Variants in VWA3A observed in about 807,000 individuals in gnomAD.
VWA3A encodes the protein von Willebrand factor A domain-containing protein 3A.
VWA3A carries 134 observed loss-of-function variants against 160.4 expected under a neutral mutation model. The ratio of observed to expected loss-of-function variants is 0.84; its 90% confidence interval spans 0.73 to 0.96. The LOEUF is 0.96. Ranked by LOEUF, VWA3A falls within the 40% of genes least tolerant of loss-of-function variation. The pLI is 0.00. For missense variants in VWA3A, 1,310 were observed against 1,447.9 expected (o/e 0.90, Z 1.55); for synonymous variants, 476 against 543.4 (o/e 0.88, Z 1.72).
intron 26 of VWA3A, 95 bp downstream of exon 26, chr16:22,144,479 C>A: frequency 6.7e-7 from 1 of 1,483,762 alleles, no homozygotes. Context: ...TCTATTTCTG[C>A]TTGTAGGAAC....
At chr16:22,141,449 C>A in intron 23 of VWA3A, 133 bp from the exon 24 acceptor site, 1 of 771,804 alleles carries the variant, frequency 1.3e-6, no homozygotes, top group Admixed American at 2.2e-5. Context: ...ACACAGGGTG[C>A]CTTGAAGCCA....
chr16:22,118,490 C>G (rs1364610404), intron 11 of VWA3A, among the ~76,000 whole-genome samples: 1 of 152,004 alleles, frequency 6.6e-6, no homozygotes, highest in Non-Finnish European at 1.5e-5. Context: ...TTGAGACCAT[C>G]CTGGCTAACA....
At chr16:22,099,111 A>C (rs982590191) in intron 3 of VWA3A, among the ~76,000 whole-genome samples, 1 of 151,778 alleles carries the variant, frequency 6.6e-6, no homozygotes, top group Non-Finnish European at 1.5e-5. Context: ...AAAAAAAAAA[A>C]AGTACCATGC....
At chr16:22,140,950 A>C (rs1284453647) in intron 23 of VWA3A, among the ~76,000 whole-genome samples, 2 of 152,198 alleles carry the variant, frequency 1.3e-5, no homozygotes. Context: ...CAATAATGAT[A>C]GTAACTAAAA....
chr16:22,109,387 G>T, intron 6 of VWA3A, 95 bp from the exon 7 acceptor site: 1 of 1,027,734 alleles, frequency 9.7e-7, no homozygotes, highest in Non-Finnish European at 1.5e-6. Context: ...TAGGGGTGAG[G>T]AAAGTGTTTG....
rs1485475467 is a variant in VWA3A, at chr16:22,093,439, G to A, written c.14+788G>A. ...TACTCACAGAAGACCTCTCTAATAA[G>A]ATTTCATTTGAGCAAAGGCCTGAGG... On this transcript the variant is annotated intron_variant, in intron 1 of 33. Coordinates refer to ENST00000389398, the MANE Select transcript of VWA3A (RefSeq NM_173615.5). Among the ~76,000 whole-genome samples, 4 of 152,132 alleles carry A rather than the reference G, an allele frequency of 2.6e-5. No individual in the cohort carries two copies. In the East Asian group the frequency reaches 7.7e-4, roughly 29 times the overall value.
At chr16:22,105,922 C>T (rs1271804220) in intron 6 of VWA3A, among the ~76,000 whole-genome samples, 1 of 152,196 alleles carries the variant, frequency 6.6e-6, no homozygotes, top group Non-Finnish European at 1.5e-5. Context: ...ATATCAGGCA[C>T]TGTTCTAGGA....
chr16:22,116,800 A>G lies in VWA3A; in HGVS notation c.857A>G (p.Gln286Arg). ...PSEILSDYIQ[Q>R]STMGRDLIIH... is the part of the protein sequence containing the mutation. ...GAAATCCTGTCTGACTACATCCAGC[A>G]GTCCACCATGGGAAGAGACCTCATC... Residue 286 changes from glutamine (Q) to arginine (R), a missense_variant, in exon 10 of 34, where the codon CAG (glutamine) becomes CGG (arginine). By Grantham distance (43) the Gln-to-Arg change is conservative. Coordinates refer to ENST00000389398, the MANE Select transcript of VWA3A (RefSeq NM_173615.5). The G allele has an allele frequency of 6.2e-7, 1 of 1,613,616 alleles. No individual in the cohort carries two copies. Among genetic ancestry groups the G allele is most frequent in the Non-Finnish European group, 8.5e-7 (1 of 1,179,884 alleles).
Position 22,131,684 on chromosome 16 carries a change from G to T in VWA3A, c.1827G>T (p.Ser609=), listed in dbSNP as rs780664133. The change falls in exon 19 of 34, where the codon TCG becomes TCT. Residue 609 remains serine (S), a synonymous_variant. Transcript: ENST00000389398. ...TCAAGGACAAAGACAAACACCAATCGCAGGGAATCTACCTCTTCACTGGGG... is the reference window on the plus strand; with the variant it reads ...TCAAGGACAAAGACAAACACCAATCTCAGGGAATCTACCTCTTCACTGGGG... ...VDFKDKDKHQ[S]QGIYLFTGGI... 5.6e-6 allele frequency: 9 copies of T among 1,613,994 alleles called. No homozygotes were observed. Among genetic ancestry groups the T allele is most frequent in the South Asian group, 4.4e-5 (4 of 91,072 alleles).
rs147409841 is a variant in VWA3A at position 22,122,492 on chromosome 16, G to A, written c.1357-593G>A. The stretch of plus-strand genomic sequence containing the variant: ...GAAAGGATGGAGAAATGGAAGGAAG[G>A]AATAATAGGTGAATAGAAAGATGGC... On this transcript the variant is annotated intron_variant, in intron 14 of 33. Transcript: ENST00000389398. Among the ~76,000 whole-genome samples the A allele has an allele frequency of 2.4e-3, 359 of 152,174 alleles. 3 individuals carry two copies. The Middle Eastern group carries it at 0.037, about 16-fold the overall frequency.
At chr16:22,136,369 G>A (rs1472140240) in intron 21 of VWA3A, among the ~76,000 whole-genome samples, 1 of 152,152 alleles carries the variant, frequency 6.6e-6, no homozygotes, top group Non-Finnish European at 1.5e-5. Flanking sequence ...GAGAGGTGCA[G>A]GGAAGGCGGG....
In VWA3A at chr16:22,104,164, G is replaced by T. The variant is rs1187589645; in HGVS notation, c.483+635G>T. ...CCGCAATGAGATTTAGAAGACTAAG[G>T]CTGATCATCTGGATATCACTTTTCT... On this transcript the variant is annotated intron_variant, in intron 6 of 33. Transcript: ENST00000389398. Among the ~76,000 whole-genome samples, 3 of 152,130 alleles carry T rather than the reference G, an allele frequency of 2.0e-5. No homozygotes were observed. In the South Asian group the frequency reaches 6.2e-4, roughly 31 times the overall value.
At chr16:22,142,318 G>A (rs1318514170) in intron 24 of VWA3A, among the ~76,000 whole-genome samples, 1 of 152,134 alleles carries the variant, frequency 6.6e-6, no homozygotes, top group Non-Finnish European at 1.5e-5. Flanking sequence ...GCTTATGCTG[G>A]CTGGAAGTTT....
intron 27 of VWA3A, 31 bp from the exon 28 acceptor site, chr16:22,148,131 C>T (rs756798026): frequency 5.7e-6 from 9 of 1,570,948 alleles, no homozygotes; most frequent in Non-Finnish European, 7.8e-6. Flanking sequence ...CTCACTCCCT[C>T]CCTGCCTCTT....
At position 22,152,755 on chromosome 16, in the gene VWA3A, A is replaced by G. The variant is rs1279422601; in HGVS notation, c.3405+121A>G. The stretch of plus-strand genomic sequence containing the variant: ...GTGAACCTCCCACCTCGGCCTCCCA[A>G]AATGTTGGGATTACAGGCATGAGCC... On this transcript the variant is annotated intron_variant, in intron 31 of 33. Coordinates refer to ENST00000389398, the MANE Select transcript of VWA3A (RefSeq NM_173615.5). 9.8e-6 allele frequency: 14 copies of G among 1,434,300 alleles called. No individual in the cohort carries two copies. In the African/African-American group the frequency reaches 2.0e-4, roughly 21 times the overall value. 88.8% of individuals were successfully genotyped at this position (1,434,300 alleles called of 1,614,324 possible).
At chr16:22,123,200 T>A (rs2045777926) in intron 15 of VWA3A, 35 bp downstream of exon 15, 1 of 1,563,008 alleles carries the variant, frequency 6.4e-7, no homozygotes, top group Non-Finnish European at 8.7e-7. Flanking sequence ...GAAAATGGGG[T>A]GCAGAAAGTG....
rs1567203063 is a variant in VWA3A at position 22,115,925 on chromosome 16, A to AAGGAAGGAAGGAAGGAAGGAAG, written c.815+453_815+454insAGGAAGGAAGGAAGGAAGGAAG. On this transcript the variant is annotated intron_variant, in intron 9 of 33. Coordinates refer to ENST00000389398, the MANE Select transcript of VWA3A (RefSeq NM_173615.5). ...AGGAAGGAAGGAAGGAAGGAAGGAA[A>AAGGAAGGAAGGAAGGAAGGAAG]GGAAAGGAAAGGAAGGGAGGAGGGG... 3.0e-3 allele frequency among the ~76,000 whole-genome samples: 55 copies of AAGGAAGGAAGGAAGGAAGGAAG among 18,460 alleles called. 11 individuals are homozygous for AAGGAAGGAAGGAAGGAAGGAAG. The highest frequency in any genetic ancestry group is 0.062 in the Middle Eastern group (1 of 16). The allele number at this position is 18,460 out of a possible 152,430, so 12.1% of individuals were successfully genotyped here. A position where few individuals can be genotyped will look rare whatever the true frequency, so the allele number is the denominator to read the frequency against.
At chr16:22,116,457 G>C (rs2045650163) in intron 9 of VWA3A, 7 of 435,794 alleles carry the variant, frequency 1.6e-5, no homozygotes, top group South Asian at 1.4e-4. Context: ...GGAGAAGGAA[G>C]GAAAGAAGGA....
At position 22,153,220 on chromosome 16, in the gene VWA3A, C is replaced by T. The variant is rs143379573; in HGVS notation, c.3405+586C>T. ...AATTAGCCAGGCATGGTGGCATGCA[C>T]GTGTAATCCCAGTTACTCGGGAGGC... On this transcript the variant is annotated intron_variant, in intron 31 of 33. Coordinates refer to ENST00000389398, the MANE Select transcript of VWA3A (RefSeq NM_173615.5). 4.6e-5 allele frequency among the ~76,000 whole-genome samples: 7 copies of T among 152,206 alleles called. No individual in the cohort carries two copies. In the East Asian group the frequency reaches 7.7e-4, roughly 17 times the overall value.
Sources: allele counts gnomAD v4.1 joint callset (sites outside exome capture counted in the v4.1 genomes callset), GRCh38; gene constraint gnomAD v4.1.1; transcripts MANE v1.5; gene names NCBI Gene and HGNC (gene_info 2026-07-23, HGNC 2026-07-21).